Variants in SLC5A12 observed in about 807,000 individuals in gnomAD.
The protein encoded by SLC5A12 is solute carrier family 5 member 12.
SLC5A12 carries 46 observed loss-of-function variants against 72.7 expected under a neutral mutation model. The observed-to-expected ratio is 0.63, with a 90% CI of 0.50 to 0.81. SLC5A12 has a LOEUF of 0.81. Among genes scored for constraint, SLC5A12 ranks in the 30% least tolerant of loss-of-function variants. The pLI, the probability that SLC5A12 is intolerant of heterozygous loss-of-function variation, is 0.00. For synonymous variants in SLC5A12, 275 were observed against 264.4 expected (o/e 1.04, Z -0.39); for missense variants, 683 against 740.7 (o/e 0.92, Z 0.90).
chr11:26,686,369 G>C, intron 10 of SLC5A12, 108 bp downstream of exon 10: 1 of 855,408 alleles, frequency 1.2e-6, no homozygotes, highest in Non-Finnish European at 1.9e-6. Context: ...TTTGGAGCTG[G>C]TATCATTAAA....
intron 1 of SLC5A12, among the ~76,000 whole-genome samples, chr11:26,715,086 T>G (rs1855319163): frequency 1.3e-5 from 2 of 152,144 alleles, no homozygotes; most frequent in African/African-American, 4.8e-5. Context: ...GGAAGACTAT[T>G]TTCTGCCACT....
At chr11:26,681,282 T>C (rs1228889455) in intron 11 of SLC5A12, 61 bp from the exon 12 acceptor site, 3 of 1,396,552 alleles carry the variant, frequency 2.1e-6, no homozygotes, top group South Asian at 1.5e-5. Context: ...GAAAGAATAA[T>C]GAGATGAGGA....
upstream of SLC5A12, among the ~76,000 whole-genome samples, chr11:26,722,234 G>A (rs1403518726): frequency 6.6e-6 from 1 of 152,162 alleles, no homozygotes; most frequent in Admixed American, 6.5e-5. Context: ...CTTGAAGAAG[G>A]GAGAGTGAAG....
chr11:26,721,113 G>A (rs1855469039), intron 1 of SLC5A12, among the ~76,000 whole-genome samples: 1 of 152,110 alleles, frequency 6.6e-6, no homozygotes, highest in African/African-American at 2.4e-5. Flanking sequence ...TCCTACAAAT[G>A]AGGCCATACA....
chr11:26,689,645 G>A (rs1254787698), intron 9 of SLC5A12, among the ~76,000 whole-genome samples: 2 of 151,980 alleles, frequency 1.3e-5, no homozygotes, highest in African/African-American at 4.8e-5. Flanking sequence ...TTTAATATTT[G>A]TTCATTTCAT....
chr11:26,668,449 A>C lies in SLC5A12; in HGVS notation c.*2653T>G, dbSNP rs1431975874. 1 of 152,016 alleles carries C rather than the reference A, an allele frequency of 6.6e-6. No individual in the cohort carries two copies. The highest frequency in any genetic ancestry group is 6.6e-5 in the Admixed American group (1 of 15,206). The allele number at this position is 152,016 out of a possible 1,614,324, so 9.4% of individuals were successfully genotyped here. The stretch of plus-strand genomic sequence containing the variant: ...AGTTTAACCCTCTTCCATGGTATGG[A>C]TGGAACTTGTCACTGAACTGTCTTT... On this transcript the variant is annotated 3_prime_UTR_variant, in exon 15 of 15. Transcript: ENST00000396005.
chr11:26,701,041 A>C (rs186651896), intron 6 of SLC5A12, among the ~76,000 whole-genome samples: 53 of 152,308 alleles, frequency 3.5e-4, no homozygotes, highest in African/African-American at 1.2e-3. Flanking sequence ...TCTCATCAAC[A>C]TCTTCAGAGC....
At chr11:26,677,942 C>G (rs909557305) in intron 13 of SLC5A12, among the ~76,000 whole-genome samples, 2 of 152,124 alleles carry the variant, frequency 1.3e-5, no homozygotes, top group African/African-American at 4.8e-5. Context: ...TATTCCACCC[C>G]ATTATCTCCC....
intron 4 of SLC5A12, among the ~76,000 whole-genome samples, chr11:26,707,472 C>A (rs949460919): frequency 3.3e-5 from 5 of 151,938 alleles, no homozygotes; most frequent in African/African-American, 1.2e-4. Context: ...ATTTTGTCCA[C>A]CATATGTCTC....
chr11:26,697,665 T>C (rs1854854639), intron 7 of SLC5A12, among the ~76,000 whole-genome samples: 1 of 152,172 alleles, frequency 6.6e-6, no homozygotes, highest in African/African-American at 2.4e-5. Context: ...TACTGTAGTA[T>C]ATCAGCACGA....
chr11:26,705,054 C>T (rs187153340), intron 4 of SLC5A12, among the ~76,000 whole-genome samples: 75 of 151,470 alleles, frequency 5.0e-4, no homozygotes, highest in African/African-American at 1.7e-3. Flanking sequence ...GTTATGAAAC[C>T]CAGCTCCCCT....
intron 7 of SLC5A12, 44 bp downstream of exon 7, chr11:26,698,362 C>T (rs770392562): frequency 1.4e-5 from 22 of 1,601,984 alleles, no homozygotes; most frequent in Admixed American, 6.9e-5. Context: ...GCTAGAAGCA[C>T]GCTCATTCCA....
In SLC5A12 at chr11:26,684,142, A is replaced by C. The variant is rs556653951; in HGVS notation, c.1222-299T>G. On this transcript the variant is annotated intron_variant, in intron 10 of 14. Coordinates refer to ENST00000396005, the MANE Select transcript of SLC5A12 (RefSeq NM_178498.4). ...TTCAGAGTCTTCTTTCTCTATAAAA[A>C]ATATAAGGTCATAGAACCAAGGGGA... Among the ~76,000 whole-genome samples, 10 of 152,220 alleles carry C rather than the reference A, an allele frequency of 6.6e-5. No individual in the cohort carries two copies. In the South Asian group the frequency reaches 2.1e-3, roughly 32 times the overall value.
At chr11:26,709,433 G>T in intron 3 of SLC5A12, 54 bp from the exon 4 acceptor site, 1 of 1,371,050 alleles carries the variant, frequency 7.3e-7, no homozygotes, top group Non-Finnish European at 1.0e-6. Flanking sequence ...AATTAAAAGA[G>T]CAAGTTTTAT....
At position 26,721,760 on chromosome 11, in the gene SLC5A12, G is replaced by A. The variant is rs373460164; in HGVS notation, c.-46C>T. On this transcript the variant is annotated 5_prime_UTR_variant, in exon 1 of 15. Coordinates refer to ENST00000396005, the MANE Select transcript of SLC5A12 (RefSeq NM_178498.4). ...AGAGTTTCTTTCAACGAGGTCTCAG[G>A]AAGAAGATGTTTCCAAAAGCAAAGT... is the stretch of plus-strand genomic sequence containing the variant. The A allele has an allele frequency of 1.3e-6, 2 of 1,551,340 alleles. No homozygotes were observed. The highest frequency in any genetic ancestry group is 1.8e-6 in the Non-Finnish European group (2 of 1,142,008).
At position 26,697,267 on chromosome 11, in the gene SLC5A12, A is replaced by T; in HGVS notation, c.952-15T>A. 6.3e-7 allele frequency: 1 copy of T among 1,584,462 alleles called. No homozygotes were observed. The highest frequency in any genetic ancestry group is 8.6e-7 in the Non-Finnish European group (1 of 1,168,272). The stretch of plus-strand genomic sequence containing the variant: ...TACGGCATCAGCTGAAGAGGAGGCA[A>T]AACATAAAAAAATAAATAAAAAGAA... On this transcript the variant is annotated splice_polypyrimidine_tract_variant and intron_variant, in intron 7 of 14. Coordinates refer to ENST00000396005, the MANE Select transcript of SLC5A12 (RefSeq NM_178498.4).
upstream of SLC5A12, among the ~76,000 whole-genome samples, chr11:26,722,673 G>C (rs1047133750): frequency 6.6e-6 from 1 of 151,988 alleles, no homozygotes; most frequent in African/African-American, 2.4e-5. Flanking sequence ...TGTACCCACA[G>C]GCTAAGTTAG....
Position 26,670,989 on chromosome 11 carries a change from C to A in SLC5A12, c.*113G>T. 1.1e-6 allele frequency: 1 copy of A among 935,796 alleles called. No homozygotes were observed. The highest frequency in any genetic ancestry group is 2.6e-5 in the South Asian group (1 of 38,702). 58.0% of individuals were successfully genotyped at this position (935,796 alleles called of 1,614,324 possible). A position where few individuals can be genotyped will look rare whatever the true frequency, so the allele number is the denominator to read the frequency against. ...AGAAATAGGCACCAGACATCCCTGT[C>A]TTCTAGCAATGGCAACTATACATAT... On this transcript the variant is annotated 3_prime_UTR_variant, in exon 15 of 15. Transcript: ENST00000396005.
intron 8 of SLC5A12, among the ~76,000 whole-genome samples, chr11:26,696,305 C>T (rs1385238435): frequency 5.3e-5 from 8 of 152,094 alleles, no homozygotes; most frequent in African/African-American, 1.9e-4. Context: ...ATATTTGTCA[C>T]AATAAATGCA....
Sources: allele counts gnomAD v4.1 joint callset (sites outside exome capture counted in the v4.1 genomes callset), GRCh38; gene constraint gnomAD v4.1.1; transcripts MANE v1.5; gene names NCBI Gene and HGNC (gene_info 2026-07-23, HGNC 2026-07-21).